Variants in PDSS2 observed in about 807,000 individuals in gnomAD.
The protein encoded by PDSS2 is decaprenyl diphosphate synthase subunit 2.
A neutral mutation model predicts 44.5 loss-of-function variants in PDSS2; 31 were observed. That is an observed-to-expected ratio of 0.70 (90% CI 0.52 to 0.94). The LOEUF is 0.94. Ranked by LOEUF, PDSS2 falls within the 40% of genes least tolerant of loss-of-function variation. The pLI, the probability that PDSS2 is intolerant of heterozygous loss-of-function variation, is 0.00. For missense variants in PDSS2, 452 were observed against 482.2 expected (o/e 0.94, Z 0.59); for synonymous variants, 157 against 180.3 (o/e 0.87, Z 1.03).
At chr6:107,411,806 AG>A (rs1228810489) in intron 1 of PDSS2, among the ~76,000 whole-genome samples, 1 of 151,120 alleles carries the variant, frequency 6.6e-6, no homozygotes, top group East Asian at 2.0e-4. Flanking sequence ...TATGGATGTT[AG>A]TATTGGGGGG....
intron 1 of PDSS2, among the ~76,000 whole-genome samples, chr6:107,358,145 A>G (rs920023464): frequency 3.3e-5 from 5 of 152,192 alleles, no homozygotes; most frequent in African/African-American, 1.2e-4. Context: ...AATTTGTTTC[A>G]TGCATAAAAT....
intron 7 of PDSS2, among the ~76,000 whole-genome samples, chr6:107,176,406 C>T (rs1053373326): frequency 6.9e-5 from 9 of 131,010 alleles, no homozygotes; most frequent in African/African-American, 2.8e-4. Flanking sequence ...GTATTCTATT[C>T]CCCCTTAACA....
intron 3 of PDSS2, among the ~76,000 whole-genome samples, chr6:107,267,320 A>G (rs1417235646): frequency 2.0e-5 from 3 of 152,168 alleles, no homozygotes; most frequent in Admixed American, 1.3e-4. Flanking sequence ...TCCAGACACT[A>G]TGTCAGATCT....
chr6:107,171,777 C>T (rs542674853), intron 7 of PDSS2, among the ~76,000 whole-genome samples: 3 of 152,234 alleles, frequency 2.0e-5, no homozygotes, highest in African/African-American at 4.8e-5. Flanking sequence ...CTTTCCATCT[C>T]GGCCTCCCAA....
intron 1 of PDSS2, among the ~76,000 whole-genome samples, chr6:107,418,486 G>GT (rs145642655): frequency 0.018 from 2,785 of 152,208 alleles, 71 homozygotes; most frequent in East Asian, 0.12. Flanking sequence ...CAGTTGTGTT[G>GT]TTTGGTTGGG....
intron 1 of PDSS2, among the ~76,000 whole-genome samples, chr6:107,448,175 C>T (rs1333800008): frequency 1.3e-5 from 2 of 152,224 alleles, no homozygotes; most frequent in Non-Finnish European, 2.9e-5. Context: ...AGGTCTCTGA[C>T]ACATCCTGGA....
chr6:107,195,378 A>G (rs1170924298), intron 6 of PDSS2, among the ~76,000 whole-genome samples: 2 of 149,020 alleles, frequency 1.3e-5, no homozygotes, highest in Non-Finnish European at 3.0e-5. Flanking sequence ...GCTACTTGGG[A>G]GGCTGAGGTG....
At chr6:107,315,247 C>T (rs549007355) in intron 2 of PDSS2, among the ~76,000 whole-genome samples, 2 of 152,120 alleles carry the variant, frequency 1.3e-5, no homozygotes, top group South Asian at 4.1e-4. Flanking sequence ...GAAGGCAGAT[C>T]TTGGAATAAG....
chr6:107,449,308 A>C (rs1781790109), intron 1 of PDSS2, among the ~76,000 whole-genome samples: 1 of 152,384 alleles, frequency 6.6e-6, no homozygotes, highest in South Asian at 2.1e-4. Flanking sequence ...TAAAATTTAC[A>C]TAAAATTTAC....
chr6:107,459,108 C>A lies in PDSS2; in HGVS notation c.178G>T (p.Val60Leu). The change falls in exon 1 of 8, where the codon GTG becomes TTG. Residue 60 changes from valine (V) to leucine (L), a missense_variant. Val to Leu is a conservative substitution (Grantham distance 32, BLOSUM62 1). Coordinates refer to ENST00000369037, the MANE Select transcript of PDSS2 (RefSeq NM_020381.4). This position sits in a 1 kb window ranked among gnomAD's most constrained non-coding sequence, Gnocchi z 4.3. ...NQVVSEAEKIVGYPTSFMSLR... is the reference protein window; with the variant it reads ...NQVVSEAEKILGYPTSFMSLR... ...CTCATGAAGGACGTGGGGTACCCCA[C>A]GATCTTCTCCGCCTCTGACACTACC... 6.2e-7 allele frequency: 1 copy of A among 1,614,094 alleles called. No homozygotes were observed. Among genetic ancestry groups the A allele is most frequent in the Non-Finnish European group, 8.5e-7 (1 of 1,180,032 alleles).
At chr6:107,367,864 T>C (rs913792749) in intron 1 of PDSS2, among the ~76,000 whole-genome samples, 2 of 150,794 alleles carry the variant, frequency 1.3e-5, no homozygotes, top group African/African-American at 4.9e-5. Context: ...AAAAACTGTA[T>C]TTGAGGGTGA....
intron 2 of PDSS2, 61 bp from the exon 3 acceptor site, chr6:107,274,288 G>A: frequency 7.6e-7 from 1 of 1,313,508 alleles, no homozygotes; most frequent in Non-Finnish European, 1.1e-6. Context: ...ACTAATGTCT[G>A]ATTTCAGTTT....
At chr6:107,234,693 G>T (rs1245145253) in intron 4 of PDSS2, among the ~76,000 whole-genome samples, 1 of 151,904 alleles carries the variant, frequency 6.6e-6, no homozygotes, top group Non-Finnish European at 1.5e-5. Context: ...CCAGTCTTTG[G>T]CTGGCAACTA....
intron 7 of PDSS2, among the ~76,000 whole-genome samples, chr6:107,188,838 C>G (rs1340162428): frequency 1.3e-5 from 2 of 152,202 alleles, no homozygotes; most frequent in Non-Finnish European, 2.9e-5. Context: ...AGAAGCCTAA[C>G]CAGAAGTAGA....
At chr6:107,298,855 A>C (rs1461276218) in intron 2 of PDSS2, among the ~76,000 whole-genome samples, 1 of 152,072 alleles carries the variant, frequency 6.6e-6, no homozygotes, top group Non-Finnish European at 1.5e-5. Flanking sequence ...ACATATACCA[A>C]ATAGGACCAG....
chr6:107,332,207 C>T (rs183490265), intron 2 of PDSS2, among the ~76,000 whole-genome samples: 28 of 151,944 alleles, frequency 1.8e-4, no homozygotes, highest in Non-Finnish European at 3.5e-4. Flanking sequence ...AAGGCTCAAG[C>T]GATCCTTCCA....
chr6:107,306,800 C>T (rs1487410145), intron 2 of PDSS2, among the ~76,000 whole-genome samples: 1 of 152,178 alleles, frequency 6.6e-6, no homozygotes, highest in Admixed American at 6.5e-5. Flanking sequence ...AATCAAATTA[C>T]TAAGTCTGCC....
intron 1 of PDSS2, among the ~76,000 whole-genome samples, chr6:107,451,767 C>T (rs373150252): frequency 4.6e-5 from 7 of 152,138 alleles, no homozygotes; most frequent in Non-Finnish European, 1.0e-4. Context: ...TCCCAGAGCT[C>T]GGGGCCTTTG....
chr6:107,302,642 G>C (rs1054528744), intron 2 of PDSS2, among the ~76,000 whole-genome samples: 8 of 151,850 alleles, frequency 5.3e-5, no homozygotes, highest in African/African-American at 1.7e-4. Flanking sequence ...TAAAGACTTA[G>C]GGAGTCTTTA....
Sources: gnomAD v4.1 joint callset for allele counts (sites outside exome capture counted in the v4.1 genomes callset) on GRCh38, gnomAD v4.1.1 for gene constraint, Gnocchi (gnomAD v3.1) non-coding constraint, MANE v1.5 for transcripts, NCBI Gene and HGNC (gene_info 2026-07-23, HGNC 2026-07-21) for gene names.